The following PTPRT variants were observed in gnomAD, a reference collection of about 807,000 sequenced individuals.
PTPRT encodes the protein receptor-type tyrosine-protein phosphatase T.
A neutral mutation model predicts 176.8 loss-of-function variants in PTPRT; 56 were observed. That is an observed-to-expected ratio of 0.32 (90% confidence interval 0.26 to 0.40). The LOEUF (loss-of-function observed/expected upper bound fraction) is 0.40. Ranked by LOEUF, PTPRT falls within the 10% of genes least tolerant of loss-of-function variation. The pLI is 1.00. For synonymous variants in PTPRT, 783 were observed against 739.0 expected (o/e 1.06, Z -0.96); for missense variants, 1,540 against 1,908.2 (o/e 0.81, Z 3.60).
At chr20:42,472,134 G>T (rs760704) in intron 8 of PTPRT, 132 bp downstream of exon 8, 1 of 1,013,070 alleles carries the variant, frequency 9.9e-7, no homozygotes, top group Non-Finnish European at 1.4e-6. Context: ...TTCATTGAAG[G>T]CCTAAGAAAA....
At chr20:42,756,753 T>C in intron 5 of PTPRT, 117 bp from the exon 6 acceptor site, 1 of 887,608 alleles carries the variant, frequency 1.1e-6, no homozygotes, top group South Asian at 2.2e-5. Flanking sequence ...CTTTCCACTA[T>C]AATAAGGGAT....
At chr20:42,386,848 A>T (rs1025498808) in intron 9 of PTPRT, among the ~76,000 whole-genome samples, 1 of 152,186 alleles carries the variant, frequency 6.6e-6, no homozygotes, top group African/African-American at 2.4e-5. Flanking sequence ...CGACAGAGTG[A>T]GACTCCGTCT....
chr20:43,167,850 G>T (rs987017772), intron 1 of PTPRT, among the ~76,000 whole-genome samples: 1 of 152,168 alleles, frequency 6.6e-6, no homozygotes, highest in African/African-American at 2.4e-5. Context: ...GTTGGAAACA[G>T]ATCCTTCCCT....
intron 6 of PTPRT, among the ~76,000 whole-genome samples, chr20:42,698,916 C>T (rs1369295923): frequency 3.3e-5 from 5 of 152,098 alleles, no homozygotes; most frequent in Non-Finnish European, 7.4e-5. Context: ...TCTGCCTCTC[C>T]CTGACTTGGG....
At chr20:43,007,012 G>C (rs1454676515) in intron 1 of PTPRT, among the ~76,000 whole-genome samples, 3 of 152,278 alleles carry the variant, frequency 2.0e-5, no homozygotes, top group African/African-American at 7.2e-5. Context: ...AGCATGAACT[G>C]AACCCAGGTG....
chr20:42,661,637 T>G (rs938611498), intron 7 of PTPRT, among the ~76,000 whole-genome samples: 1 of 152,090 alleles, frequency 6.6e-6, no homozygotes, highest in Non-Finnish European at 1.5e-5. Context: ...TCAAGGAAAA[T>G]CTACATGGCC....
intron 8 of PTPRT, among the ~76,000 whole-genome samples, chr20:42,448,924 G>A (rs1886590302): frequency 6.6e-6 from 1 of 152,038 alleles, no homozygotes; most frequent in African/African-American, 2.4e-5. Flanking sequence ...TTTGTATTGG[G>A]CCACATTCAA....
intron 17 of PTPRT, among the ~76,000 whole-genome samples, chr20:42,157,536 G>C (rs1327884617): frequency 6.6e-6 from 1 of 151,810 alleles, no homozygotes; most frequent in East Asian, 1.9e-4. Flanking sequence ...AGTAGAGAAG[G>C]GGTTTCACCA....
chr20:42,817,223 G>T (rs550329508), intron 2 of PTPRT, among the ~76,000 whole-genome samples: 1 of 152,164 alleles, frequency 6.6e-6, no homozygotes. Context: ...ACTTACACAT[G>T]TAGAAATAAC....
the PTPRT span, chr20:42,063,395 A>G: frequency 6.6e-6 from 1 of 152,180 alleles, no homozygotes; most frequent in East Asian, 1.9e-4. Flanking sequence ...GTGTCCCTTG[A>G]GGCCCTGCTG....
intron 7 of PTPRT, among the ~76,000 whole-genome samples, chr20:42,576,196 C>T (rs1488356528): frequency 6.6e-6 from 1 of 152,130 alleles, no homozygotes; most frequent in African/African-American, 2.4e-5. Context: ...CGCACTTTCT[C>T]TCCATTAACA....
chr20:42,482,085 A>C (rs2071397681), intron 7 of PTPRT, among the ~76,000 whole-genome samples: 4 of 152,190 alleles, frequency 2.6e-5, no homozygotes, highest in Admixed American at 2.6e-4. Flanking sequence ...TTTCCTGAAA[A>C]AGGGACCTTG....
chr20:42,700,149 G>A (rs190089405), intron 6 of PTPRT, among the ~76,000 whole-genome samples: 2 of 152,256 alleles, frequency 1.3e-5, no homozygotes, highest in East Asian at 3.9e-4. Flanking sequence ...CTAACCTAGC[G>A]TTTGGGGATT....
intron 1 of PTPRT, among the ~76,000 whole-genome samples, chr20:42,940,155 C>T (rs1037544117): frequency 6.6e-6 from 1 of 152,162 alleles, no homozygotes; most frequent in African/African-American, 2.4e-5. Context: ...ATTAAAGTAC[C>T]TTATCTGAGA....
intron 7 of PTPRT, among the ~76,000 whole-genome samples, chr20:42,645,457 T>C (rs1377452241): frequency 1.3e-5 from 2 of 152,142 alleles, no homozygotes; most frequent in South Asian, 2.1e-4. Flanking sequence ...ACACCCTTCA[T>C]TGGTCTTTAT....
rs190503397 is a variant in PTPRT at position 42,610,329 on chromosome 20, G to C, written c.1153+67537C>G. Among the ~76,000 whole-genome samples, 410 of 151,932 alleles carry C rather than the reference G, an allele frequency of 2.7e-3. 8 individuals are homozygous for C. The highest frequency in any genetic ancestry group is 8.8e-4 in the Non-Finnish European group (60 of 67,968). Reference sequence around the variant, plus strand: ...GCTCAGTGTCTCTTTTTGGAGAGCAGACAACATGTTAAGGACATAAATATG... The same window carrying C: ...GCTCAGTGTCTCTTTTTGGAGAGCACACAACATGTTAAGGACATAAATATG... On this transcript the variant is annotated intron_variant, in intron 7 of 30. Coordinates refer to ENST00000373187, the MANE Select transcript of PTPRT (RefSeq NM_007050.6).
chr20:42,991,006 G>A (rs1250862426), intron 1 of PTPRT, among the ~76,000 whole-genome samples: 1 of 152,060 alleles, frequency 6.6e-6, no homozygotes, highest in Non-Finnish European at 1.5e-5. Flanking sequence ...AAATTTAGGG[G>A]GTGAAAGGAA....
At chr20:42,904,303 G>T (rs989942287) in intron 1 of PTPRT, among the ~76,000 whole-genome samples, 1 of 152,166 alleles carries the variant, frequency 6.6e-6, no homozygotes, top group Admixed American at 6.5e-5. Context: ...TAACGAAGCT[G>T]CAACTTGCTA....
At chr20:42,139,773 G>A (rs1988538098) in intron 18 of PTPRT, among the ~76,000 whole-genome samples, 1 of 152,258 alleles carries the variant, frequency 6.6e-6, no homozygotes, top group Non-Finnish European at 1.5e-5. Flanking sequence ...TGTCCACAGT[G>A]CAGGAGCAGA....
Sources: allele counts gnomAD v4.1 joint callset (sites outside exome capture counted in the v4.1 genomes callset), GRCh38; gene constraint gnomAD v4.1.1; transcripts MANE v1.5; gene names NCBI Gene and HGNC (gene_info 2026-07-23, HGNC 2026-07-21).